PEX5L: variants seen among roughly 807,000 people sequenced by gnomAD.
PEX5L encodes PEX5-related protein.
A neutral mutation model predicts 84.0 loss-of-function variants in PEX5L; 30 were observed. The observed-to-expected ratio is 0.36, with a 90% CI of 0.27 to 0.48. The LOEUF (loss-of-function observed/expected upper bound fraction) is 0.48. Among genes scored for constraint, PEX5L ranks in the 20% least tolerant of loss-of-function variants. The probability of loss-of-function intolerance (pLI) is 0.99; values close to 1 mark genes in which losing one functional copy is unlikely to be tolerated. For missense variants in PEX5L, 533 were observed against 754.6 expected, an observed-to-expected ratio of 0.71 and a Z score of 3.44; for synonymous variants, 270 against 283.1, an observed-to-expected ratio of 0.95 and a Z score of 0.46.
At chr3:179,980,758 T>G (rs1786248813) in intron 1 of PEX5L, among the ~76,000 whole-genome samples, 1 of 151,772 alleles carries the variant, frequency 6.6e-6, no homozygotes, top group African/African-American at 2.4e-5. Context: ...AACAGCAGAG[T>G]TGGCCAGGAG....
chr3:179,857,048 C>A (rs1744275329), intron 8 of PEX5L, among the ~76,000 whole-genome samples: 1 of 152,114 alleles, frequency 6.6e-6, no homozygotes, highest in African/African-American at 2.4e-5. Flanking sequence ...ACGTAAACAG[C>A]CAGTATGGTT....
At chr3:180,036,494 G>T in intron 1 of PEX5L, 85 bp downstream of exon 1, 1 of 1,243,266 alleles carries the variant, frequency 8.0e-7, no homozygotes, top group Non-Finnish European at 1.2e-6. Context: ...TGCGAAGGCA[G>T]CACTTGACCA....
intron 1 of PEX5L, among the ~76,000 whole-genome samples, chr3:180,010,277 G>T (rs1481208362): frequency 9.2e-6 from 1 of 108,542 alleles, no homozygotes; most frequent in Non-Finnish European, 1.9e-5. Context: ...CTGTAGAGAT[G>T]GAGGTCTTAC....
At chr3:179,966,243 G>A (rs1413006846) in intron 2 of PEX5L, among the ~76,000 whole-genome samples, 1 of 152,150 alleles carries the variant, frequency 6.6e-6, no homozygotes, top group Non-Finnish European at 1.5e-5. Context: ...TGCAGGCTGA[G>A]CAGGTGGTCT....
intron 1 of PEX5L, among the ~76,000 whole-genome samples, chr3:180,024,347 A>AAT (rs148495757): frequency 0.036 from 3,897 of 107,416 alleles, 233 homozygotes; most frequent in East Asian, 0.072. Flanking sequence ...GTCCCTACTA[A>AAT]ATATATATAT....
At chr3:179,877,351 G>A (rs867485857) in intron 5 of PEX5L, among the ~76,000 whole-genome samples, 1 of 152,078 alleles carries the variant, frequency 6.6e-6, no homozygotes, top group Non-Finnish European at 1.5e-5. Context: ...ATTCTTAAAG[G>A]TGCTTTTAAA....
In PEX5L at chr3:179,946,017, GT is replaced by G. The variant is rs10605374; in HGVS notation, c.93+25576del. 1.4e-3 allele frequency among the ~76,000 whole-genome samples: 196 copies of G among 143,894 alleles called. 1 individual carries two copies. The highest frequency in any genetic ancestry group is 3.5e-3 in the East Asian group (17 of 4,834). The allele number at this position is 143,894 out of a possible 152,430, so 94.4% of individuals were successfully genotyped here. ...GATGTGTTGATCTGCAGTACTGAAA[GT>G]TTTTTTTTTTTTTGCATCTGAATGT... On this transcript the variant is annotated intron_variant, in intron 2 of 14. Transcript: ENST00000467460.
At chr3:179,873,614 T>C (rs1204080520) in intron 7 of PEX5L, among the ~76,000 whole-genome samples, 2 of 152,150 alleles carry the variant, frequency 1.3e-5, no homozygotes, top group Non-Finnish European at 2.9e-5. Context: ...AAACTGGACT[T>C]AAGGTTCAAG....
chr3:179,845,427 T>C lies in PEX5L; in HGVS notation c.822+13635A>G, dbSNP rs1488966431. 3.3e-5 allele frequency among the ~76,000 whole-genome samples: 5 copies of C among 152,336 alleles called. No homozygotes were observed. The East Asian group carries it at 9.6e-4, about 29-fold the overall frequency. On this transcript the variant is annotated intron_variant, in intron 8 of 14. Transcript: ENST00000467460. ...ACTCCACTGCACTTTCCTTAGTCTC[T>C]TTCCATGCCTCCAATTCTCTCAGTC...
At chr3:179,879,722 TAAATG>T (rs1214212346) in intron 5 of PEX5L, among the ~76,000 whole-genome samples, 1 of 152,184 alleles carries the variant, frequency 6.6e-6, no homozygotes, top group Non-Finnish European at 1.5e-5. Flanking sequence ...GTCGAATAAA[TAAATG>T]AATCAATCAG....
At chr3:179,812,758 C>T (rs970796440) in intron 10 of PEX5L, among the ~76,000 whole-genome samples, 3 of 151,826 alleles carry the variant, frequency 2.0e-5, no homozygotes, top group Non-Finnish European at 2.9e-5. Flanking sequence ...CCTCTCATTA[C>T]ACACATTGTC....
intron 2 of PEX5L, among the ~76,000 whole-genome samples, chr3:179,905,821 G>T (rs139100611): frequency 6.6e-6 from 1 of 152,164 alleles, no homozygotes; most frequent in Non-Finnish European, 1.5e-5. Context: ...ACTGCCTTAT[G>T]AGAGCAAAGA....
At chr3:180,024,240 A>G (rs1296734718) in intron 1 of PEX5L, among the ~76,000 whole-genome samples, 1 of 151,120 alleles carries the variant, frequency 6.6e-6, no homozygotes, top group Non-Finnish European at 1.5e-5. Flanking sequence ...TCGGGCTCAC[A>G]TATAAGAGTA....
intron 1 of PEX5L, among the ~76,000 whole-genome samples, chr3:180,035,350 A>G (rs1393263909): frequency 5.9e-5 from 9 of 152,138 alleles, no homozygotes; most frequent in Non-Finnish European, 1.3e-4. Context: ...GATCATATAT[A>G]ATATTTAAAA....
At chr3:179,916,672 C>CG (rs1767227703) in intron 2 of PEX5L, among the ~76,000 whole-genome samples, 1 of 110,108 alleles carries the variant, frequency 9.1e-6, no homozygotes, top group Non-Finnish European at 2.0e-5. Context: ...AAATTAACCA[C>CG]CCCCCCTTTG....
intron 2 of PEX5L, chr3:179,902,583 A>G: frequency 2.4e-6 from 1 of 416,398 alleles, no homozygotes; most frequent in Non-Finnish European, 4.7e-6. Context: ...TGTAGATCTT[A>G]GTAGGTTTAT....
chr3:179,814,968 AT>A (rs1488840965), intron 10 of PEX5L, among the ~76,000 whole-genome samples: 3 of 152,058 alleles, frequency 2.0e-5, no homozygotes, highest in Non-Finnish European at 4.4e-5. Context: ...ATTGCCTTTA[AT>A]TCCTGCCCCC....
At chr3:180,008,349 A>G (rs1366960580) in intron 1 of PEX5L, among the ~76,000 whole-genome samples, 2 of 152,168 alleles carry the variant, frequency 1.3e-5, no homozygotes, top group Non-Finnish European at 2.9e-5. Flanking sequence ...TACTGTCCAT[A>G]TTGCTATCGG....
intron 1 of PEX5L, among the ~76,000 whole-genome samples, chr3:180,019,573 T>C (rs1218618884): frequency 6.6e-6 from 1 of 152,198 alleles, no homozygotes; most frequent in African/African-American, 2.4e-5. Context: ...TTTATCATCA[T>C]ATTTCCTCCT....
Sources: allele counts gnomAD v4.1 joint callset (sites outside exome capture counted in the v4.1 genomes callset), GRCh38; gene constraint gnomAD v4.1.1; transcripts MANE v1.5; gene names NCBI Gene and HGNC (gene_info 2026-07-23, HGNC 2026-07-21).